ARHGAP10: variants seen among roughly 807,000 people sequenced by gnomAD.
The protein encoded by ARHGAP10 is Rho GTPase activating protein 10, also known as rho GTPase-activating protein 10.
In ARHGAP10, 87 loss-of-function variants were observed where a neutral mutation model predicts 108.6. The observed-to-expected ratio is 0.80, with a 90% confidence interval of 0.67 to 0.96. The LOEUF (loss-of-function observed/expected upper bound fraction) is 0.96. ARHGAP10 is among the 40% of genes least tolerant of loss of function. The pLI is 0.00. For synonymous variants in ARHGAP10, 347 were observed against 341.1 expected (o/e 1.02, Z -0.19); for missense variants, 939 against 954.5 (o/e 0.98, Z 0.21).
At chr4:147,828,820 C>T (rs999842160) in intron 3 of ARHGAP10, among the ~76,000 whole-genome samples, 25 of 151,858 alleles carry the variant, frequency 1.6e-4, no homozygotes, top group African/African-American at 5.6e-4. Context: ...TTTCCCTCCA[C>T]ACTCAAAGAA....
chr4:147,919,450 A>T (rs974801425), intron 13 of ARHGAP10, among the ~76,000 whole-genome samples: 5 of 152,250 alleles, frequency 3.3e-5, no homozygotes, highest in African/African-American at 1.2e-4. Context: ...CTAATAATAC[A>T]TACCGGCTCT....
At chr4:147,735,172 G>C (rs1728368005) in intron 1 of ARHGAP10, among the ~76,000 whole-genome samples, 1 of 152,202 alleles carries the variant, frequency 6.6e-6, no homozygotes, top group Non-Finnish European at 1.5e-5. Context: ...ACTGGAATTA[G>C]ATACGGATTT....
chr4:147,946,774 T>C (rs1738398138), intron 15 of ARHGAP10, 70 bp downstream of exon 15: 1 of 1,194,114 alleles, frequency 8.4e-7, no homozygotes, highest in Non-Finnish European at 1.1e-6. Context: ...AGATGCCAAT[T>C]GTGTACATAA....
At chr4:147,827,810 T>C (rs1732780366) in intron 3 of ARHGAP10, among the ~76,000 whole-genome samples, 1 of 152,090 alleles carries the variant, frequency 6.6e-6, no homozygotes, top group Admixed American at 6.5e-5. Context: ...TTAATCTTTT[T>C]TTTTGTTTGT....
chr4:147,989,576 T>C (rs1321139338), intron 18 of ARHGAP10, among the ~76,000 whole-genome samples: 3 of 152,202 alleles, frequency 2.0e-5, no homozygotes, highest in Admixed American at 2.0e-4. Flanking sequence ...AGAAAAAGAA[T>C]TCAGCGATAT....
At chr4:147,858,707 A>G (rs1042478045) in intron 5 of ARHGAP10, among the ~76,000 whole-genome samples, 48 of 152,086 alleles carry the variant, frequency 3.2e-4, no homozygotes, top group African/African-American at 1.2e-3. Flanking sequence ...CCCTCTGTCA[A>G]TTTTGAGATG....
At chr4:147,876,470 G>C (rs1280483372) in intron 8 of ARHGAP10, among the ~76,000 whole-genome samples, 2 of 151,984 alleles carry the variant, frequency 1.3e-5, no homozygotes, top group Admixed American at 6.6e-5. Context: ...GCGGGCACCT[G>C]TAGTCCCAGC....
At chr4:147,981,020 C>A (rs1442101008) in intron 18 of ARHGAP10, among the ~76,000 whole-genome samples, 1 of 152,092 alleles carries the variant, frequency 6.6e-6, no homozygotes, top group East Asian at 1.9e-4. Flanking sequence ...ACCAACTTTT[C>A]ATTTTATTGA....
chr4:147,747,215 G>T (rs1253386612), intron 1 of ARHGAP10, among the ~76,000 whole-genome samples: 1 of 151,602 alleles, frequency 6.6e-6, no homozygotes, highest in Non-Finnish European at 1.5e-5. Context: ...CCGGAGTCAT[G>T]CTGATTCTCT....
intron 1 of ARHGAP10, among the ~76,000 whole-genome samples, chr4:147,741,976 G>A (rs1728693434): frequency 2.0e-5 from 3 of 151,950 alleles, no homozygotes; most frequent in Admixed American, 1.3e-4. Flanking sequence ...CATTAATCCA[G>A]TGCCACTTAA....
At chr4:147,985,764 G>C (rs763516188) in intron 18 of ARHGAP10, among the ~76,000 whole-genome samples, 2 of 152,228 alleles carry the variant, frequency 1.3e-5, no homozygotes, top group Admixed American at 6.5e-5. Context: ...TTTTCTCAGT[G>C]TGTCCGTCTC....
intron 22 of ARHGAP10, among the ~76,000 whole-genome samples, chr4:148,066,388 G>T (rs961321046): frequency 6.6e-6 from 1 of 152,198 alleles, no homozygotes; most frequent in Non-Finnish European, 1.5e-5. Flanking sequence ...CCTGCTCTGG[G>T]CACACAGCCA....
intron 20 of ARHGAP10, among the ~76,000 whole-genome samples, chr4:148,057,642 T>TA (rs1729420254): frequency 6.6e-6 from 1 of 152,210 alleles, no homozygotes; most frequent in Non-Finnish European, 1.5e-5. Context: ...GCTTCAGCAT[T>TA]AGCTCCGCAC....
intron 14 of ARHGAP10, 153 bp from the exon 15 acceptor site, chr4:147,946,464 T>G: frequency 1.7e-6 from 1 of 586,106 alleles, no homozygotes; most frequent in Non-Finnish European, 2.9e-6. Context: ...ACATAGCTTA[T>G]AGTATTTTAG....
rs556388833 is a variant in ARHGAP10 at position 147,748,689 on chromosome 4, G to C, written c.154+16234G>C. ...TTAAACACACAAAAAGCAGTAGATA[G>C]GCTGGGCACTGTGGCTCAGGCCTGT... On this transcript the variant is annotated intron_variant, in intron 1 of 22. Transcript: ENST00000336498. Among the ~76,000 whole-genome samples the C allele has an allele frequency of 2.0e-5, 3 of 152,308 alleles. No individual in the cohort carries two copies. In the East Asian group the frequency reaches 5.8e-4, roughly 29 times the overall value.
chr4:147,754,619 A>T (rs1380227151), intron 1 of ARHGAP10, among the ~76,000 whole-genome samples: 1 of 151,776 alleles, frequency 6.6e-6, no homozygotes, highest in African/African-American at 2.4e-5. Flanking sequence ...AATTGTATTC[A>T]ATTTTTTTTT....
At position 148,053,445 on chromosome 4, in the gene ARHGAP10, C is replaced by T. The variant is rs187175308; in HGVS notation, c.2027+6394C>T. ...AATAAACACTTGAATCTGGTTGCTG[C>T]GCATTTATCATCTAACACCTTGGCT... is the stretch of plus-strand genomic sequence containing the variant. On this transcript the variant is annotated intron_variant, in intron 20 of 22. Transcript: ENST00000336498. Among the ~76,000 whole-genome samples, 15 of 152,222 alleles carry T rather than the reference C, an allele frequency of 9.9e-5. No individual in the cohort carries two copies. The East Asian group carries it at 1.2e-3, about 12-fold the overall frequency.
At chr4:147,920,315 G>C (rs1737184340) in intron 13 of ARHGAP10, among the ~76,000 whole-genome samples, 1 of 151,954 alleles carries the variant, frequency 6.6e-6, no homozygotes, top group African/African-American at 2.4e-5. Context: ...TGCTTGGGAG[G>C]CTGAGGCAGG....
chr4:148,065,902 T>G (rs562995597), intron 22 of ARHGAP10, among the ~76,000 whole-genome samples: 2 of 143,408 alleles, frequency 1.4e-5, no homozygotes, highest in South Asian at 4.3e-4. Flanking sequence ...TGCCAGCTAC[T>G]GCAGAGGCTG....
Sources: gnomAD v4.1 joint callset for allele counts (sites outside exome capture counted in the v4.1 genomes callset) on GRCh38, gnomAD v4.1.1 for gene constraint, MANE v1.5 for transcripts, NCBI Gene and HGNC (gene_info 2026-07-23, HGNC 2026-07-21) for gene names.